The following TIMM23B variants were observed in gnomAD, a reference collection of about 807,000 sequenced individuals.
TIMM23B encodes the protein mitochondrial import inner membrane translocase subunit Tim23B.
TIMM23B carries 27 observed loss-of-function variants against 27.3 expected under a neutral mutation model. The observed-to-expected ratio is 0.99, with a 90% CI of 0.73 to 1.36. TIMM23B has a LOEUF of 1.36. TIMM23B is among the 40% of genes most tolerant of loss of function. TIMM23B has a pLI of 0.00. For synonymous variants in TIMM23B, 73 were observed against 92.4 expected (o/e 0.79, Z 1.21); for missense variants, 205 against 244.2 (o/e 0.84, Z 1.07).
chr10:49,972,978 T>C, intron 6 of TIMM23B, 34 bp from the exon 7 acceptor site: 1 of 1,115,812 alleles, frequency 9.0e-7, no homozygotes, highest in Non-Finnish European at 1.3e-6. Flanking sequence ...TTCTTGATAA[T>C]ATGTTTGGTT....
At chr10:49,952,636 T>A in intron 4 of TIMM23B, 103 bp downstream of exon 4, 2 of 1,348,182 alleles carry the variant, frequency 1.5e-6, no homozygotes, top group Non-Finnish European at 1.0e-6. Context: ...TTAGCATAGT[T>A]ATGTGCTTTT....
At chr10:49,964,543 C>T (rs568558597) in intron 6 of TIMM23B, among the ~76,000 whole-genome samples, 147 of 147,066 alleles carry the variant, frequency 1.0e-3, no homozygotes, top group Non-Finnish European at 1.2e-3. Flanking sequence ...AGGGAGTCTC[C>T]GTCTCGAAAT....
chr10:49,972,342 A>T (rs1564693851), intron 6 of TIMM23B, among the ~76,000 whole-genome samples: 1 of 151,722 alleles, frequency 6.6e-6, no homozygotes, highest in Non-Finnish European at 1.5e-5. Flanking sequence ...TTAGACCTAA[A>T]CTATGTGGAA....
At chr10:49,954,708 T>C (rs1211326075) in intron 4 of TIMM23B, among the ~76,000 whole-genome samples, 14 of 147,540 alleles carry the variant, frequency 9.5e-5, no homozygotes, top group African/African-American at 3.5e-4. Context: ...TTCATTATAT[T>C]ATACATTTAA....
At chr10:49,949,228 T>C (rs1839446477) in intron 2 of TIMM23B, among the ~76,000 whole-genome samples, 1 of 148,670 alleles carries the variant, frequency 6.7e-6, no homozygotes, top group Admixed American at 6.7e-5. Flanking sequence ...TTAAGAGTTA[T>C]GGTTGGAACC....
At chr10:49,966,486 T>A (rs1281591011) in intron 6 of TIMM23B, among the ~76,000 whole-genome samples, 1 of 152,222 alleles carries the variant, frequency 6.6e-6, no homozygotes, top group African/African-American at 2.4e-5. Flanking sequence ...AGTGGCGTAC[T>A]CCAGCCTGGG....
chr10:49,948,811 A>G (rs1839431137), intron 2 of TIMM23B, among the ~76,000 whole-genome samples: 1 of 152,204 alleles, frequency 6.6e-6, no homozygotes, highest in Non-Finnish European at 1.5e-5. Flanking sequence ...GAATATACTA[A>G]AAACCACTGA....
intron 2 of TIMM23B, among the ~76,000 whole-genome samples, chr10:49,951,799 TTGTC>T (rs1338635247): frequency 6.6e-6 from 1 of 152,248 alleles, no homozygotes; most frequent in Non-Finnish European, 1.5e-5. Flanking sequence ...TCCAGACTGG[TTGTC>T]TGTTCTGTTC....
Position 49,952,499 on chromosome 10 carries a change from C to G in TIMM23B, c.310C>G (p.Gln104Glu). Residue 104 changes from glutamine (Q) to glutamate (E), a missense_variant, in exon 4 of 7, where the codon CAG (glutamine) becomes GAG (glutamate). Gln to Glu is a conservative substitution (Grantham distance 29). Transcript: ENST00000651259. Reference protein sequence around the residue: ...NGLRLGLKETQNMAWSKPGNV... With the variant: ...NGLRLGLKETENMAWSKPGNV... ...TCTTCGGCTAGGATTGAAGGAAACC[C>G]AGAACATGGCCTGGTCCAAACCAGG... The G allele has an allele frequency of 6.2e-7, 1 of 1,612,960 alleles. No individual in the cohort carries two copies. Among genetic ancestry groups the G allele is most frequent in the South Asian group, 1.1e-5 (1 of 90,928 alleles).
In TIMM23B at chr10:49,955,088, ATTG is replaced by A. The variant is rs1395667013; in HGVS notation, c.403+31_403+33del. On this transcript the variant is annotated intron_variant, in intron 5 of 6. Coordinates refer to ENST00000651259, the MANE Select transcript of TIMM23B (RefSeq NM_001290117.2). ...AAGTAGAGATCTCGTTTGATAATAA[ATTG>A]TTAACTTAAAGAAAGAATGCACAAA... 1.9e-6 allele frequency: 3 copies of A among 1,607,510 alleles called. No homozygotes were observed. The East Asian group carries it at 6.7e-5, about 36-fold the overall frequency.
chr10:49,955,418 A>G (rs1255410747), intron 5 of TIMM23B, among the ~76,000 whole-genome samples: 1 of 152,250 alleles, frequency 6.6e-6, no homozygotes, highest in Non-Finnish European at 1.5e-5. Flanking sequence ...GTAGTGATAC[A>G]TGATAAATTA....
At chr10:49,963,374 AATGAAATGAAATG>A (rs1334375756) in intron 6 of TIMM23B, among the ~76,000 whole-genome samples, 1 of 151,564 alleles carries the variant, frequency 6.6e-6, no homozygotes, top group Non-Finnish European at 1.5e-5. Flanking sequence ...TGCCAGGTGA[AATGAAATGAAATG>A]ATGAAATGAA....
At chr10:49,965,385 T>C (rs1840093634) in intron 6 of TIMM23B, among the ~76,000 whole-genome samples, 1 of 151,676 alleles carries the variant, frequency 6.6e-6, no homozygotes, top group African/African-American at 2.4e-5. Context: ...GCCTGGGTGA[T>C]AGAGCGAGTC....
Position 49,971,023 on chromosome 10 carries a change from CT to C in TIMM23B, c.515-1987del, listed in dbSNP as rs202089627. 5.3e-5 allele frequency among the ~76,000 whole-genome samples: 8 copies of C among 152,280 alleles called. No individual in the cohort carries two copies. In the East Asian group the frequency reaches 9.6e-4, roughly 18 times the overall value. ...CCTTGGGATGCTGTTGATCTATGAC[CT>C]TACCCCCAACCCGGTGCTCTCTGAA... is the stretch of plus-strand genomic sequence containing the variant. On this transcript the variant is annotated intron_variant, in intron 6 of 6. Transcript: ENST00000651259.
In TIMM23B at chr10:49,958,558, T is replaced by G. The variant is rs1323995781; in HGVS notation, c.514+78T>G. 3.7e-4 allele frequency: 455 copies of G among 1,232,618 alleles called. 1 individual carries two copies. Among genetic ancestry groups the G allele is most frequent in the Non-Finnish European group, 5.2e-4 (435 of 838,478 alleles). The allele number at this position is 1,232,618 out of a possible 1,614,324, so 76.4% of individuals were successfully genotyped here. A position where few individuals can be genotyped will look rare whatever the true frequency, so the allele number is the denominator to read the frequency against. On this transcript the variant is annotated intron_variant, in intron 6 of 6. Transcript: ENST00000651259. ...TTAAAATTCATGGTTTTCAAGGAAA[T>G]TACACTCTGTTGCAGTATAATCTAG...
At chr10:49,957,871 C>G (rs1183308751) in intron 5 of TIMM23B, among the ~76,000 whole-genome samples, 1 of 152,210 alleles carries the variant, frequency 6.6e-6, no homozygotes, top group African/African-American at 2.4e-5. Context: ...GCACAGAAAT[C>G]CAGCAAGGCC....
chr10:49,963,534 A>G (rs1403632094), intron 6 of TIMM23B, among the ~76,000 whole-genome samples: 2 of 152,266 alleles, frequency 1.3e-5, no homozygotes, highest in Middle Eastern at 3.2e-3. Context: ...GTGAAATGAA[A>G]TGAAATGAAG....
At chr10:49,955,198 T>A (rs1177894711) in intron 5 of TIMM23B, 138 bp downstream of exon 5, 6 of 898,786 alleles carry the variant, frequency 6.7e-6, no homozygotes, top group Non-Finnish European at 1.1e-5. Context: ...ATGCATAATG[T>A]AGATACTACT....
At position 49,964,807 on chromosome 10, in the gene TIMM23B, TAATGA is replaced by T. The variant is rs531005394; in HGVS notation, c.514+6339_514+6343del. Reference sequence around the variant, plus strand: ...GGTGAAATGAAATGAAATGAAGAAATAATGAAATGAAATGAATAATGAAATGCTGG... The same window carrying T: ...GGTGAAATGAAATGAAATGAAGAAATAATGAAATGAATAATGAAATGCTGG... On this transcript the variant is annotated intron_variant, in intron 6 of 6. Coordinates refer to ENST00000651259, the MANE Select transcript of TIMM23B (RefSeq NM_001290117.2). 9.2e-5 allele frequency among the ~76,000 whole-genome samples: 14 copies of T among 151,482 alleles called. No homozygotes were observed. The East Asian group carries it at 1.9e-3, about 21-fold the overall frequency.
Sources: gnomAD v4.1 joint callset for allele counts (sites outside exome capture counted in the v4.1 genomes callset) on GRCh38, gnomAD v4.1.1 for gene constraint, MANE v1.5 for transcripts, NCBI Gene and HGNC (gene_info 2026-07-23, HGNC 2026-07-21) for gene names.